The following ARHGAP11B variants were observed in gnomAD, a reference collection of about 807,000 sequenced individuals.
The protein encoded by ARHGAP11B is inactive Rho GTPase-activating protein 11B.
In ARHGAP11B, 14 loss-of-function variants were observed where a neutral mutation model predicts 27.6. The observed-to-expected ratio is 0.51, with a 90% confidence interval of 0.34 to 0.79. The LOEUF (loss-of-function observed/expected upper bound fraction) is 0.79. ARHGAP11B is among the 30% of genes least tolerant of loss of function. The pLI, the probability that ARHGAP11B is intolerant of heterozygous loss-of-function variation, is 0.02. For missense variants in ARHGAP11B, 245 were observed against 320.1 expected (o/e 0.77, Z 1.79); for synonymous variants, 82 against 114.1 (o/e 0.72, Z 1.80).
rs529739004 is a variant in ARHGAP11B, at chr15:30,635,392, A to G, written c.661-95A>G. 231 of 1,501,080 alleles carry G rather than the reference A, an allele frequency of 1.5e-4. 2 individuals carry two copies. The African/African-American group carries it at 3.0e-3, about 19-fold the overall frequency. 93.0% of individuals were successfully genotyped at this position (1,501,080 alleles called of 1,614,324 possible). On this transcript the variant is annotated intron_variant, in intron 5 of 10. Transcript: ENST00000428041. Reference sequence around the variant, plus strand: ...AGTACCGGCCCCTCCTGCAAAGAAAAAAAGAAAAGAAATTGGTATATTAGT... The same window carrying G: ...AGTACCGGCCCCTCCTGCAAAGAAAGAAAGAAAAGAAATTGGTATATTAGT...
At chr15:30,642,068 A>T (rs1163425288) in intron 7 of ARHGAP11B, among the ~76,000 whole-genome samples, 1 of 152,012 alleles carries the variant, frequency 6.6e-6, no homozygotes. Flanking sequence ...GCTACTTATG[A>T]CACTTTAGAT....
chr15:30,646,844 G>A (rs760898750), intron 9 of ARHGAP11B, among the ~76,000 whole-genome samples: 2 of 151,424 alleles, frequency 1.3e-5, no homozygotes, highest in African/African-American at 2.4e-5. Context: ...TGGTGCACTC[G>A]TGTAATCCTA....
intron 7 of ARHGAP11B, among the ~76,000 whole-genome samples, chr15:30,642,743 C>T (rs919992318): frequency 3.3e-5 from 5 of 152,006 alleles, no homozygotes; most frequent in Admixed American, 6.6e-5. Flanking sequence ...TGGTGCCTAT[C>T]CCTGCCTTGT....
exon 2 of ARHGAP11B, chr15:30,630,745 G>T (rs1340383683): frequency 6.2e-7 from 1 of 1,611,782 alleles, no homozygotes; most frequent in Admixed American, 1.7e-5. Context: ...GCCCCATTCT[G>T]CTGTACCAGA....
Position 30,630,143 on chromosome 15 carries a change from A to G in ARHGAP11B, c.130-560A>G, listed in dbSNP as rs554936192. ...ACTCCTGCCTTGCTTACCGCAGGGC[A>G]TGGTTTGAAAAGCACTCTTCTATAG... is the stretch of plus-strand genomic sequence containing the variant. On this transcript the variant is annotated intron_variant, in intron 1 of 10. Coordinates refer to ENST00000428041, the Ensembl canonical transcript of ARHGAP11B. Among the ~76,000 whole-genome samples, 1,335 of 152,272 alleles carry G rather than the reference A, an allele frequency of 8.8e-3. 24 individuals carry two copies. Among genetic ancestry groups the G allele is most frequent in the African/African-American group, 0.03 (1,261 of 41,564 alleles).
chr15:30,635,395 A>G (rs1312569462), intron 5 of ARHGAP11B, 92 bp from the exon 6 acceptor site: 10 of 1,503,612 alleles, frequency 6.7e-6, no homozygotes, highest in Non-Finnish European at 8.1e-6. Context: ...AAAGAAAAAA[A>G]GAAAAGAAAT....
intron 7 of ARHGAP11B, among the ~76,000 whole-genome samples, chr15:30,643,908 G>T (rs568669591): frequency 2.1e-4 from 32 of 152,128 alleles, no homozygotes; most frequent in Admixed American, 9.8e-4. Flanking sequence ...CTGGCTGTCC[G>T]AAGCTCATGG....
At chr15:30,633,559 A>G in exon 3 of ARHGAP11B, 1 of 1,613,234 alleles carries the variant, frequency 6.2e-7, no homozygotes. Flanking sequence ...GGAAATCAGG[A>G]TCTGTGATTC....
intron 7 of ARHGAP11B, among the ~76,000 whole-genome samples, chr15:30,644,254 A>C (rs539346752): frequency 6.6e-6 from 1 of 152,204 alleles, no homozygotes; most frequent in African/African-American, 2.4e-5. Context: ...AGCTCTCTGA[A>C]AATAGGATTG....
At chr15:30,632,361 C>G (rs1207449507) in intron 2 of ARHGAP11B, among the ~76,000 whole-genome samples, 1 of 148,012 alleles carries the variant, frequency 6.8e-6, no homozygotes, top group African/African-American at 2.5e-5. Flanking sequence ...GCAAAGGTTG[C>G]AGTGAGCAGT....
At chr15:30,641,105 C>T (rs937759399) in intron 7 of ARHGAP11B, among the ~76,000 whole-genome samples, 3 of 151,752 alleles carry the variant, frequency 2.0e-5, no homozygotes, top group Admixed American at 6.6e-5. Context: ...TTGAGCTTGC[C>T]TAATCAATGA....
intron 10 of ARHGAP11B, among the ~76,000 whole-genome samples, chr15:30,648,287 G>A (rs770610788): frequency 1.3e-5 from 2 of 152,024 alleles, no homozygotes; most frequent in African/African-American, 4.8e-5. Context: ...GGAAGGAAGT[G>A]TCCTTACTTT....
intron 2 of ARHGAP11B, among the ~76,000 whole-genome samples, chr15:30,633,260 G>C (rs1386879300): frequency 6.6e-6 from 1 of 151,904 alleles, no homozygotes; most frequent in Non-Finnish European, 1.5e-5. Context: ...GATTGAGAAA[G>C]ATAAAATTTA....
chr15:30,648,784 A>C (rs902710236), exon 11 of ARHGAP11B: 2 of 152,014 alleles, frequency 1.3e-5, no homozygotes, highest in African/African-American at 4.8e-5. Flanking sequence ...TATAATAATT[A>C]TTCTTCGATG....
chr15:30,633,699 A>G, intron 3 of ARHGAP11B, 113 bp downstream of exon 3: 1 of 879,314 alleles, frequency 1.1e-6, no homozygotes, highest in Non-Finnish European at 1.6e-6. Flanking sequence ...TTGAATTTGC[A>G]TTTTTTTCAT....
chr15:30,647,800 A>G (rs2060360127), intron 10 of ARHGAP11B: 1 of 169,498 alleles, frequency 5.9e-6, no homozygotes, highest in East Asian at 1.9e-4. Context: ...GCACAGTCCT[A>G]AATAATTATC....
At chr15:30,643,543 C>T (rs138698928) in intron 7 of ARHGAP11B, among the ~76,000 whole-genome samples, 3,145 of 152,110 alleles carry the variant, frequency 0.021, 64 homozygotes, top group Non-Finnish European at 0.035. Context: ...TGCCAAAGTG[C>T]TGGGCGTACA....
Position 30,647,654 on chromosome 15 carries a change from A to T in ARHGAP11B, c.*325-14A>T, listed in dbSNP as rs527528835. 3.8e-5 allele frequency: 7 copies of T among 184,268 alleles called. No homozygotes were observed. In the South Asian group the frequency reaches 8.4e-4, roughly 22 times the overall value. The allele number at this position is 184,268 out of a possible 1,614,324, so 11.4% of individuals were successfully genotyped here. ...TAATTTTTTCTTTTTTTATATTTAA[A>T]TTTTTTATTCTAGTTCTAATTGCTA... On this transcript the variant is annotated splice_polypyrimidine_tract_variant and intron_variant, in intron 9 of 10. Transcript: ENST00000428041.
chr15:30,633,499 C>G (rs377364341), exon 3 of ARHGAP11B: 12 of 1,609,284 alleles, frequency 7.5e-6, no homozygotes, highest in African/African-American at 1.3e-5. Context: ...GCTTTCTTGT[C>G]GATGCTTGCA....
Sources: allele counts gnomAD v4.1 joint callset (sites outside exome capture counted in the v4.1 genomes callset), GRCh38; gene constraint gnomAD v4.1.1; transcripts MANE v1.5; gene names NCBI Gene and HGNC (gene_info 2026-07-23, HGNC 2026-07-21).